STK3: variants seen among roughly 807,000 people sequenced by gnomAD.
STK3 encodes the protein serine/threonine-protein kinase 3.
A neutral mutation model predicts 58.0 loss-of-function variants in STK3; 41 were observed. The ratio of observed to expected loss-of-function variants is 0.71; its 90% CI spans 0.55 to 0.92. The LOEUF is 0.92. Ranked by LOEUF, STK3 falls within the 40% of genes least tolerant of loss-of-function variation. The pLI is 0.00. For missense variants in STK3, 479 were observed against 602.7 expected (o/e 0.79, Z 2.15); for synonymous variants, 170 against 191.0 (o/e 0.89, Z 0.91).
At chr8:98,589,547 TTTTG>T (rs1302494995) in intron 7 of STK3, among the ~76,000 whole-genome samples, 1 of 152,194 alleles carries the variant, frequency 6.6e-6, no homozygotes, top group African/African-American at 2.4e-5. Flanking sequence ...ACTGCTGTCT[TTTTG>T]TTTGTCTGTG....
At chr8:98,519,148 T>A (rs1230892760) in intron 10 of STK3, among the ~76,000 whole-genome samples, 1 of 152,088 alleles carries the variant, frequency 6.6e-6, no homozygotes, top group Non-Finnish European at 1.5e-5. Context: ...TCCACAGAAC[T>A]AAGGACTGTA....
At chr8:98,422,768 G>A (rs1248789027) in intron 3 of STK3, among the ~76,000 whole-genome samples, 5 of 152,116 alleles carry the variant, frequency 3.3e-5, no homozygotes, top group Admixed American at 2.6e-4. Flanking sequence ...GATACTGACC[G>A]CCGGGTGCAG....
chr8:98,345,942 T>G, the STK3 span, among the ~76,000 whole-genome samples: 2 of 152,056 alleles, frequency 1.3e-5, no homozygotes, highest in Non-Finnish European at 2.9e-5. Context: ...GATCGAGGTA[T>G]AGAAACTACC....
At chr8:98,511,258 A>G (rs950637605) in intron 10 of STK3, among the ~76,000 whole-genome samples, 1 of 152,000 alleles carries the variant, frequency 6.6e-6, no homozygotes, top group Non-Finnish European at 1.5e-5. Flanking sequence ...TGGAATATCT[A>G]ATAATTCAGT....
chr8:98,567,273 A>G (rs1298196615), intron 8 of STK3, among the ~76,000 whole-genome samples: 4 of 152,146 alleles, frequency 2.6e-5, no homozygotes, highest in Non-Finnish European at 4.4e-5. Flanking sequence ...AGTCGACTCA[A>G]TGCAACCTTA....
At chr8:98,791,607 T>C (rs1228332788) in intron 1 of STK3, among the ~76,000 whole-genome samples, 16 of 152,316 alleles carry the variant, frequency 1.1e-4, no homozygotes, top group African/African-American at 3.4e-4. Flanking sequence ...AGCATGGTAC[T>C]GGTATAAAAA....
intron 10 of STK3, among the ~76,000 whole-genome samples, chr8:98,483,215 A>G (rs1396000076): frequency 6.6e-6 from 1 of 152,202 alleles, no homozygotes; most frequent in East Asian, 1.9e-4. Context: ...GAAGAAATGT[A>G]ATTCAATTCT....
At chr8:98,893,825 G>A (rs2131934574) in intron 1 of STK3, among the ~76,000 whole-genome samples, 1 of 152,312 alleles carries the variant, frequency 6.6e-6, no homozygotes, top group Non-Finnish European at 1.5e-5. Flanking sequence ...GAGTGGACTG[G>A]ACAGTCTGTG....
intron 4 of STK3, among the ~76,000 whole-genome samples, chr8:98,728,599 T>C (rs1440378268): frequency 6.6e-6 from 1 of 152,076 alleles, no homozygotes; most frequent in African/African-American, 2.4e-5. Flanking sequence ...CATTTTAAAA[T>C]CCTTTCCCAC....
intron 1 of STK3, among the ~76,000 whole-genome samples, chr8:98,922,503 T>C (rs1030138060): frequency 6.6e-6 from 1 of 152,254 alleles, no homozygotes; most frequent in Admixed American, 6.5e-5. Flanking sequence ...CCACATTAGA[T>C]ACATGGACAG....
intron 3 of STK3, among the ~76,000 whole-genome samples, chr8:98,842,031 T>C (rs1305755551): frequency 6.6e-6 from 1 of 151,964 alleles, no homozygotes; most frequent in Non-Finnish European, 1.5e-5. Context: ...AAAGATAGCA[T>C]TCACAAATAT....
At chr8:98,527,147 T>A (rs1014762458) in intron 9 of STK3, among the ~76,000 whole-genome samples, 2 of 152,188 alleles carry the variant, frequency 1.3e-5, no homozygotes, top group Non-Finnish European at 2.9e-5. Flanking sequence ...AATGTTTAGA[T>A]TGTAGAAACA....
intron 4 of STK3, among the ~76,000 whole-genome samples, chr8:98,734,266 T>C (rs1828412898): frequency 6.6e-6 from 1 of 152,160 alleles, no homozygotes; most frequent in Non-Finnish European, 1.5e-5. Flanking sequence ...ACAAGTAAAA[T>C]GTAAAGCACT....
chr8:98,504,731 G>C (rs1424106737), intron 10 of STK3, among the ~76,000 whole-genome samples: 1 of 152,176 alleles, frequency 6.6e-6, no homozygotes, highest in Non-Finnish European at 1.5e-5. Flanking sequence ...ACTGTCTACT[G>C]GCTTGTAGAG....
At chr8:98,883,622 G>T (rs754854079), downstream of STK3, 12 of 702,432 alleles carry the variant, frequency 1.7e-5, 1 homozygote, top group Middle Eastern at 2.3e-4. Flanking sequence ...GTCTGAGGAG[G>T]GACTGCAACC....
intron 1 of STK3, among the ~76,000 whole-genome samples, chr8:98,920,478 T>C (rs1281493698): frequency 1.3e-5 from 2 of 152,240 alleles, no homozygotes; most frequent in Non-Finnish European, 2.9e-5. Flanking sequence ...TGGGAGCCAG[T>C]GGGGTTTTAG....
intron 6 of STK3, among the ~76,000 whole-genome samples, chr8:98,617,667 A>C (rs1392000903): frequency 2.0e-5 from 3 of 152,068 alleles, no homozygotes; most frequent in African/African-American, 4.8e-5. Context: ...AACTACCATC[A>C]GAGAATACTA....
intron 3 of STK3, among the ~76,000 whole-genome samples, chr8:98,750,547 A>C (rs950686868): frequency 6.6e-6 from 1 of 151,902 alleles, no homozygotes. Flanking sequence ...GTCAGGGAAG[A>C]CTTCTCAGTA....
chr8:98,345,806 G>T, the STK3 span, among the ~76,000 whole-genome samples: 1 of 151,988 alleles, frequency 6.6e-6, no homozygotes. Context: ...TAGAAATGTG[G>T]AAAATATAAA....
Sources: gnomAD v4.1 joint callset for allele counts (sites outside exome capture counted in the v4.1 genomes callset) on GRCh38, gnomAD v4.1.1 for gene constraint, MANE v1.5 for transcripts, NCBI Gene and HGNC (gene_info 2026-07-23, HGNC 2026-07-21) for gene names.